The following ABCB5 variants were observed in gnomAD, a reference collection of about 807,000 sequenced individuals.
ABCB5 encodes the protein ATP-binding cassette sub-family B member 5.
Under a neutral mutation model 144.2 loss-of-function variants are expected in ABCB5, and 155 were observed. That is an observed-to-expected ratio of 1.08 (90% CI 0.94 to 1.23). The LOEUF (loss-of-function observed/expected upper bound fraction) is 1.23, where lower values mean the gene tolerates loss of function less well. ABCB5 is among the 50% of genes most tolerant of loss of function. ABCB5 has a pLI of 0.00. For missense variants in ABCB5, 1,830 were observed against 1,520.8 expected (o/e 1.20, Z -3.38); for synonymous variants, 610 against 528.6 (o/e 1.15, Z -2.11).
intron 23 of ABCB5, among the ~76,000 whole-genome samples, chr7:20,729,663 A>G (rs1429310696): frequency 6.6e-6 from 1 of 152,242 alleles, no homozygotes; most frequent in Admixed American, 6.5e-5. Context: ...AATCCATCAT[A>G]AACGTCATTG....
intron 14 of ABCB5, among the ~76,000 whole-genome samples, chr7:20,671,790 T>C (rs1233456741): frequency 6.6e-6 from 1 of 152,250 alleles, no homozygotes; most frequent in Non-Finnish European, 1.5e-5. Flanking sequence ...TAAACATTCA[T>C]ATGCAAGTCT....
At chr7:20,750,383 T>TACAC (rs3033674) in intron 26 of ABCB5, among the ~76,000 whole-genome samples, 11,474 of 140,974 alleles carry the variant, frequency 0.081, 1,255 homozygotes, top group African/African-American at 0.26. Flanking sequence ...GGCTTCCCCC[T>TACAC]ACACACACAC....
At chr7:20,617,824 T>C (rs1355176885) in intron 1 of ABCB5, among the ~76,000 whole-genome samples, 1 of 152,088 alleles carries the variant, frequency 6.6e-6, no homozygotes, top group African/African-American at 2.4e-5. Flanking sequence ...TATAGTAATA[T>C]CCAGACAAGT....
At chr7:20,730,315 G>A (rs1782166472) in intron 23 of ABCB5, among the ~76,000 whole-genome samples, 1 of 152,202 alleles carries the variant, frequency 6.6e-6, no homozygotes, top group African/African-American at 2.4e-5. Flanking sequence ...TTCGAGACCA[G>A]CCTGGACAAC....
intron 15 of ABCB5, among the ~76,000 whole-genome samples, chr7:20,683,845 A>T (rs1785904393): frequency 6.6e-6 from 1 of 152,230 alleles, no homozygotes; most frequent in African/African-American, 2.4e-5. Context: ...AAATGTGTCA[A>T]TTTTGATAAT....
chr7:20,665,800 C>CATAA (rs1785170936), intron 14 of ABCB5, among the ~76,000 whole-genome samples: 1 of 151,068 alleles, frequency 6.6e-6, no homozygotes, highest in East Asian at 1.9e-4. Flanking sequence ...TACATACATA[C>CATAA]ATACATACAG....
chr7:20,735,146 T>C (rs1225602546), intron 23 of ABCB5, among the ~76,000 whole-genome samples: 1 of 152,168 alleles, frequency 6.6e-6, no homozygotes, highest in African/African-American at 2.4e-5. Context: ...AGAATCAAGA[T>C]ATGGCAGCCC....
At chr7:20,709,528 A>G (rs1192670440) in intron 20 of ABCB5, among the ~76,000 whole-genome samples, 2 of 149,902 alleles carry the variant, frequency 1.3e-5, no homozygotes, top group Non-Finnish European at 3.0e-5. Flanking sequence ...CCTTAAAAAC[A>G]TGGCATTGAA....
Position 20,753,524 on chromosome 7 carries a change from T to A in ABCB5, c.3576+18T>A. The A allele has an allele frequency of 6.2e-7, 1 of 1,605,380 alleles. No individual in the cohort carries two copies. Among genetic ancestry groups the A allele is most frequent in the Non-Finnish European group, 8.5e-7 (1 of 1,176,502 alleles). On this transcript the variant is annotated intron_variant, in intron 27 of 27. Transcript: ENST00000404938. Reference sequence around the variant, plus strand: ...GTGAGAAGGTAACATCATTTTCTTTTATCTCAGAATATAATACCAAATATA... The same window carrying A: ...GTGAGAAGGTAACATCATTTTCTTTAATCTCAGAATATAATACCAAATATA...
chr7:20,664,996 A>T (rs780905418), intron 14 of ABCB5, among the ~76,000 whole-genome samples: 52 of 152,356 alleles, frequency 3.4e-4, no homozygotes, highest in Non-Finnish European at 6.8e-4. Context: ...AAATAATTTT[A>T]TGTTATCTCT....
intron 23 of ABCB5, among the ~76,000 whole-genome samples, chr7:20,729,745 A>T (rs143199173): frequency 5.6e-4 from 85 of 152,338 alleles, no homozygotes; most frequent in African/African-American, 1.9e-3. Context: ...ATTTTTAACA[A>T]GCCCACCAAA....
intron 4 of ABCB5, 55 bp downstream of exon 4, chr7:20,628,893 GCAAA>G (rs1783969432): frequency 3.8e-6 from 6 of 1,571,534 alleles, no homozygotes; most frequent in Non-Finnish European, 3.5e-6. Context: ...ATTGAATAAA[GCAAA>G]CAAACGTTAA....
At chr7:20,638,445 A>G (rs987546560) in intron 5 of ABCB5, among the ~76,000 whole-genome samples, 4 of 152,192 alleles carry the variant, frequency 2.6e-5, no homozygotes, top group Admixed American at 2.6e-4. Context: ...ATGGAGTTGT[A>G]CAGCCATCAT....
At chr7:20,720,933 A>G (rs1339619241) in intron 20 of ABCB5, among the ~76,000 whole-genome samples, 15 of 128,858 alleles carry the variant, frequency 1.2e-4, no homozygotes, top group African/African-American at 3.1e-4. Context: ...GACAGAGCGA[A>G]ACTCTGCCTC....
At chr7:20,618,199 T>A (rs1011186506) in intron 1 of ABCB5, among the ~76,000 whole-genome samples, 2 of 152,202 alleles carry the variant, frequency 1.3e-5, no homozygotes, top group African/African-American at 4.8e-5. Flanking sequence ...TCTCATTAGC[T>A]GTCATCTCTA....
chr7:20,660,528 A>G (rs1784969463), intron 14 of ABCB5: 7 of 552,166 alleles, frequency 1.3e-5, no homozygotes, highest in Non-Finnish European at 1.6e-5. Context: ...AGAAGGGGAG[A>G]GTTCAAATAC....
At chr7:20,728,209 C>G in intron 22 of ABCB5, 106 bp from the exon 23 acceptor site, 1 of 1,348,806 alleles carries the variant, frequency 7.4e-7, no homozygotes, top group Non-Finnish European at 9.9e-7. Context: ...TGCCTTTCCA[C>G]CAAATTATAA....
At chr7:20,744,511 C>A (rs6947306) in intron 25 of ABCB5, among the ~76,000 whole-genome samples, 1 of 151,814 alleles carries the variant, frequency 6.6e-6, no homozygotes, top group Admixed American at 6.6e-5. Flanking sequence ...CTCAGTCGCT[C>A]TACCCTGTTA....
At chr7:20,754,942 T>C (rs376676000) in intron 27 of ABCB5, among the ~76,000 whole-genome samples, 2 of 152,142 alleles carry the variant, frequency 1.3e-5, no homozygotes, top group African/African-American at 2.4e-5. Flanking sequence ...AATTTATCTG[T>C]AGCTAATCTT....
Sources: allele counts gnomAD v4.1 joint callset (sites outside exome capture counted in the v4.1 genomes callset), GRCh38; gene constraint gnomAD v4.1.1; transcripts MANE v1.5; gene names NCBI Gene and HGNC (gene_info 2026-07-23, HGNC 2026-07-21).